PPP1R13B: variants seen among roughly 807,000 people sequenced by gnomAD.
PPP1R13B encodes protein phosphatase 1 regulatory subunit 13B.
Under a neutral mutation model 119.8 loss-of-function variants are expected in PPP1R13B, and 44 were observed. The ratio of observed to expected loss-of-function variants is 0.37; its 90% CI spans 0.29 to 0.47. PPP1R13B has a LOEUF of 0.47. Ranked by LOEUF, PPP1R13B falls within the 20% of genes least tolerant of loss-of-function variation. The pLI is 0.99. For missense variants in PPP1R13B, 1,227 were observed against 1,413.5 expected, an observed-to-expected ratio of 0.87 and a Z score of 2.12; for synonymous variants, 542 against 561.5, an observed-to-expected ratio of 0.97 and a Z score of 0.49.
intron 1 of PPP1R13B, among the ~76,000 whole-genome samples, chr14:103,811,883 C>G (rs1027916038): frequency 6.6e-6 from 1 of 150,860 alleles, no homozygotes; most frequent in Non-Finnish European, 1.5e-5. Context: ...GGTGAAACCC[C>G]GTCTCTACTA....
At chr14:103,763,879 C>CAT (rs2084873984) in intron 4 of PPP1R13B, 1 of 152,236 alleles carries the variant, frequency 6.6e-6, no homozygotes, top group Admixed American at 6.5e-5. Flanking sequence ...CCGGACGCTT[C>CAT]ATATAAGTGA....
rs188556104 is a variant in PPP1R13B at position 103,810,009 on chromosome 14, T to C, written c.10-12491A>G. Among the ~76,000 whole-genome samples, 294 of 151,544 alleles carry C rather than the reference T, an allele frequency of 1.9e-3. 4 individuals carry two copies. The East Asian group carries it at 0.033, about 17-fold the overall frequency. ...GCCTGGCTAATTTTTGTATTTTTAGTAGAGACGGGGTTTCACCATGTTGGC... is the reference window on the plus strand; with the variant it reads ...GCCTGGCTAATTTTTGTATTTTTAGCAGAGACGGGGTTTCACCATGTTGGC... On this transcript the variant is annotated intron_variant, in intron 1 of 16. Coordinates refer to ENST00000202556, the MANE Select transcript of PPP1R13B (RefSeq NM_015316.3).
intron 1 of PPP1R13B, among the ~76,000 whole-genome samples, chr14:103,805,751 A>C (rs1477693019): frequency 1.3e-5 from 2 of 152,260 alleles, no homozygotes; most frequent in Non-Finnish European, 2.9e-5. Flanking sequence ...GAAAATACTA[A>C]GCTAAGTGAA....
At position 103,817,948 on chromosome 14, in the gene PPP1R13B, T is replaced by C. The variant is rs191287508; in HGVS notation, c.10-20430A>G. On this transcript the variant is annotated intron_variant, in intron 1 of 16. Transcript: ENST00000202556. ...AAAACCCAACTATTCAAGTTCTTCA[T>C]CTTGATGAAACTACAGGAAATAATC... is the stretch of plus-strand genomic sequence containing the variant. 5.4e-4 allele frequency among the ~76,000 whole-genome samples: 82 copies of C among 152,190 alleles called. 1 individual carries two copies. Among genetic ancestry groups the C allele is most frequent in the Non-Finnish European group, 4.0e-4 (27 of 68,002 alleles).
In PPP1R13B at chr14:103,740,050, G is replaced by A. The variant is rs372513528; in HGVS notation, c.2366C>T (p.Ser789Leu). The change falls in exon 12 of 17, where the codon TCA becomes TTA. Residue 789 changes from serine (S) to leucine (L), a missense_variant. Ser to Leu is a moderately radical substitution (Grantham distance 145). Transcript: ENST00000202556. This position sits in a 1 kb window ranked among gnomAD's most constrained non-coding sequence, Gnocchi z 4.6. ...AGGTAACTCATTATCATTGGCATCT[G>A]ATGACGGGGCAGGCTCAGCGGGGAG... ...APLPAEPAPS[S>L]DANDNELPSP... 1.2e-6 allele frequency: 2 copies of A among 1,614,042 alleles called. No homozygotes were observed. The highest frequency in any genetic ancestry group is 8.5e-7 in the Non-Finnish European group (1 of 1,179,970).
At position 103,822,051 on chromosome 14, in the gene PPP1R13B, T is replaced by C. The variant is rs147543355; in HGVS notation, c.10-24533A>G. 2.1e-3 allele frequency among the ~76,000 whole-genome samples: 318 copies of C among 152,122 alleles called. 2 individuals carry two copies. The highest frequency in any genetic ancestry group is 6.8e-3 in the African/African-American group (281 of 41,518). ...AGACCTTCCCATGCACATCTGGATA[T>C]ATGGAAACCCAATACAAATCATGCC... is the stretch of plus-strand genomic sequence containing the variant. On this transcript the variant is annotated intron_variant, in intron 1 of 16. Transcript: ENST00000202556.
chr14:103,742,366 G>A lies in PPP1R13B; in HGVS notation c.1321-75C>T, dbSNP rs991895182. 4.7e-6 allele frequency: 7 copies of A among 1,477,362 alleles called. No homozygotes were observed. The South Asian group carries it at 5.4e-5, about 11-fold the overall frequency. 91.5% of individuals were successfully genotyped at this position (1,477,362 alleles called of 1,614,324 possible). A position where few individuals can be genotyped will look rare whatever the true frequency, so the allele number is the denominator to read the frequency against. On this transcript the variant is annotated intron_variant, in intron 10 of 16. Transcript: ENST00000202556. The surrounding 1 kb of genome is among the most constrained non-coding windows in gnomAD (Gnocchi z 4.9). ...AGAATATTTCCACCCACATTCCCAA[G>A]AGAATACACAGTAGAATTTGTAATC... is the stretch of plus-strand genomic sequence containing the variant.
At chr14:103,745,520 T>G (rs2084364005) in intron 9 of PPP1R13B, among the ~76,000 whole-genome samples, 2 of 152,268 alleles carry the variant, frequency 1.3e-5, no homozygotes, top group South Asian at 4.1e-4. Flanking sequence ...ATGCACTGGT[T>G]GAGAAACAGA....
intron 1 of PPP1R13B, among the ~76,000 whole-genome samples, chr14:103,808,424 A>G (rs1388453126): frequency 6.6e-6 from 1 of 152,166 alleles, no homozygotes. Context: ...AAATACACTA[A>G]CACTAATGAT....
At chr14:103,815,086 C>A (rs547527588) in intron 1 of PPP1R13B, among the ~76,000 whole-genome samples, 2 of 152,182 alleles carry the variant, frequency 1.3e-5, no homozygotes. Flanking sequence ...TACCCATACA[C>A]TGGAATATTA....
intron 1 of PPP1R13B, among the ~76,000 whole-genome samples, chr14:103,808,594 C>T (rs904558680): frequency 6.6e-6 from 1 of 152,172 alleles, no homozygotes; most frequent in Non-Finnish European, 1.5e-5. Flanking sequence ...CTTCTTTCCA[C>T]AAGGTGGCAC....
At chr14:103,770,640 A>G (rs946601401) in intron 4 of PPP1R13B, among the ~76,000 whole-genome samples, 1 of 152,188 alleles carries the variant, frequency 6.6e-6, no homozygotes, top group Non-Finnish European at 1.5e-5. Flanking sequence ...TGCACAGATA[A>G]CAACAGAAAA....
chr14:103,784,583 CAAAAAAA>C (rs546875688), intron 3 of PPP1R13B, among the ~76,000 whole-genome samples: 2 of 60,570 alleles, frequency 3.3e-5, no homozygotes, highest in Admixed American at 2.6e-4. Flanking sequence ...ACTCTGTCTC[CAAAAAAA>C]AAAAAAAAAA....
At chr14:103,750,017 A>T in intron 7 of PPP1R13B, 83 bp from the exon 8 acceptor site, 1 of 1,450,890 alleles carries the variant, frequency 6.9e-7, no homozygotes, top group Non-Finnish European at 9.4e-7. Flanking sequence ...AAAAAGAAAA[A>T]GTAGCATTAA....
intron 1 of PPP1R13B, among the ~76,000 whole-genome samples, chr14:103,838,210 GCACACACACA>G (rs10640450): frequency 8.7e-5 from 13 of 149,372 alleles, no homozygotes; most frequent in South Asian, 8.5e-4. Context: ...CTCTGTTATG[GCACACACACA>G]CACACACACA....
At chr14:103,793,690 A>G (rs887398827) in intron 2 of PPP1R13B, among the ~76,000 whole-genome samples, 5 of 151,922 alleles carry the variant, frequency 3.3e-5, no homozygotes, top group Non-Finnish European at 5.9e-5. Context: ...GGAACTTTAA[A>G]TAAGGTTAAA....
At chr14:103,821,369 C>G (rs568722714) in intron 1 of PPP1R13B, among the ~76,000 whole-genome samples, 1 of 152,112 alleles carries the variant, frequency 6.6e-6, no homozygotes, top group African/African-American at 2.4e-5. Context: ...GAAGCCTCCC[C>G]GCAACTTTTA....
At chr14:103,795,776 T>C (rs981070564) in intron 2 of PPP1R13B, among the ~76,000 whole-genome samples, 2 of 152,160 alleles carry the variant, frequency 1.3e-5, no homozygotes, top group Non-Finnish European at 2.9e-5. Flanking sequence ...AGGCTAACAA[T>C]TGAGGGCCTG....
intron 6 of PPP1R13B, 73 bp downstream of exon 6, chr14:103,753,997 A>G: frequency 1.3e-6 from 2 of 1,508,376 alleles, no homozygotes; most frequent in Non-Finnish European, 1.8e-6. Flanking sequence ...CTGAATTGTC[A>G]GGCAGTTAGA....
Sources: allele counts gnomAD v4.1 joint callset (sites outside exome capture counted in the v4.1 genomes callset), GRCh38; gene constraint gnomAD v4.1.1; non-coding constraint Gnocchi (gnomAD v3.1); transcripts MANE v1.5; gene names NCBI Gene and HGNC (gene_info 2026-07-23, HGNC 2026-07-21).